Variants in GYS2 observed in about 807,000 individuals in gnomAD.
The protein encoded by GYS2 is glycogen synthase 2, also known as glycogen [starch] synthase, liver.
GYS2 carries 80 observed loss-of-function variants against 85.6 expected under a neutral mutation model. The ratio of observed to expected loss-of-function variants is 0.93; its 90% CI spans 0.78 to 1.13. GYS2 has a LOEUF of 1.13. GYS2 is among the 50% of genes most tolerant of loss of function. The probability of loss-of-function intolerance (pLI) is 0.00; values close to 1 mark genes in which losing one functional copy is unlikely to be tolerated. For synonymous variants in GYS2, 328 were observed against 300.7 expected, an observed-to-expected ratio of 1.09 and a Z score of -0.94; for missense variants, 881 against 854.9, an observed-to-expected ratio of 1.03 and a Z score of -0.38.
intron 1 of GYS2, among the ~76,000 whole-genome samples, chr12:21,581,003 T>A (rs1374098495): frequency 6.6e-6 from 1 of 152,188 alleles, no homozygotes; most frequent in Non-Finnish European, 1.5e-5. Context: ...GGTTTTCAAT[T>A]ATGAAGAAAT....
rs1307072088 is a variant in GYS2, at chr12:21,560,545, A to G, written c.1063-53T>C. 7.0e-6 allele frequency: 6 copies of G among 855,290 alleles called. No individual in the cohort carries two copies. In the East Asian group the frequency reaches 9.6e-5, roughly 14 times the overall value. 53.0% of individuals were successfully genotyped at this position (855,290 alleles called of 1,614,324 possible). A position where few individuals can be genotyped will look rare whatever the true frequency, so the allele number is the denominator to read the frequency against. On this transcript the variant is annotated intron_variant, in intron 7 of 15. Coordinates refer to ENST00000261195, the MANE Select transcript of GYS2 (RefSeq NM_021957.4). ...CAACTATCAAAGATTTTTAAAAAGT[A>G]TGATAGATGGAACTTAAACATTGAA... is the stretch of plus-strand genomic sequence containing the variant.
intron 15 of GYS2, among the ~76,000 whole-genome samples, chr12:21,538,867 C>T (rs757784348): frequency 3.0e-4 from 46 of 152,292 alleles, no homozygotes; most frequent in Non-Finnish European, 5.3e-4. Context: ...AGTTCAATTC[C>T]TCCTGGGGTG....
At chr12:21,543,253 G>A (rs1944000008) in intron 12 of GYS2, among the ~76,000 whole-genome samples, 1 of 152,136 alleles carries the variant, frequency 6.6e-6, no homozygotes, top group African/African-American at 2.4e-5. Context: ...GGTGAGTGGA[G>A]TTGGATGAAA....
At chr12:21,573,098 A>G (rs1944404679) in intron 4 of GYS2, among the ~76,000 whole-genome samples, 1 of 152,166 alleles carries the variant, frequency 6.6e-6, no homozygotes, top group South Asian at 2.1e-4. Context: ...ACCTTTTTAT[A>G]GGGAAGGGCT....
chr12:21,586,437 ATCTATCTATC>A (rs1489009705), intron 1 of GYS2, among the ~76,000 whole-genome samples: 4 of 151,714 alleles, frequency 2.6e-5, no homozygotes, highest in Non-Finnish European at 5.9e-5. Flanking sequence ...CTATCTATCT[ATCTATCTATC>A]TATCTATCTA....
downstream of GYS2, among the ~76,000 whole-genome samples, chr12:21,534,147 A>C (rs1022581609): frequency 4.6e-5 from 7 of 152,202 alleles, no homozygotes; most frequent in African/African-American, 1.7e-4. Flanking sequence ...GATGGGATGA[A>C]AGCAACACAC....
chr12:21,556,765 C>G (rs529380174), intron 11 of GYS2, among the ~76,000 whole-genome samples: 1 of 152,334 alleles, frequency 6.6e-6, no homozygotes, highest in South Asian at 2.1e-4. Context: ...AATTTTCCCT[C>G]TTTCTTACTC....
At chr12:21,566,360 T>C (rs554718629) in intron 5 of GYS2, among the ~76,000 whole-genome samples, 1 of 152,216 alleles carries the variant, frequency 6.6e-6, no homozygotes, top group South Asian at 2.1e-4. Context: ...CTTTTTTTTT[T>C]TTTCAGAATG....
At chr12:21,547,424 A>G (rs1443262325) in intron 11 of GYS2, among the ~76,000 whole-genome samples, 1 of 152,200 alleles carries the variant, frequency 6.6e-6, no homozygotes, top group Non-Finnish European at 1.5e-5. Flanking sequence ...CAGACAATGG[A>G]ATATTATTTA....
chr12:21,571,829 G>A (rs1458645082), intron 4 of GYS2, among the ~76,000 whole-genome samples: 2 of 152,088 alleles, frequency 1.3e-5, no homozygotes, highest in Non-Finnish European at 2.9e-5. Context: ...GGCTGTGGTT[G>A]TGCGTGCCTG....
rs1565600612 is a variant in GYS2, at chr12:21,563,040, TAAAAC to T, written c.942-7_942-3del. On this transcript the variant is annotated splice_polypyrimidine_tract_variant and splice_region_variant and intron_variant, in intron 6 of 15. Transcript: ENST00000261195. ...TTTTCAAGATCAAAGTCGAGATGAC[TAAAAC>T]AAAACAAAACCAAACAGTTTCAAAT... is the stretch of plus-strand genomic sequence containing the variant. 1.2e-6 allele frequency: 2 copies of T among 1,607,422 alleles called. No homozygotes were observed. The highest frequency in any genetic ancestry group is 2.2e-5 in the South Asian group (2 of 90,946).
chr12:21,559,750 CAA>C, intron 8 of GYS2, 40 bp from the exon 9 acceptor site: 2 of 1,215,142 alleles, frequency 1.6e-6, no homozygotes, highest in Non-Finnish European at 2.4e-6. Flanking sequence ...AACAGTATGA[CAA>C]TGTTTAATCT....
At chr12:21,590,752 A>G (rs1591809788) in intron 1 of GYS2, among the ~76,000 whole-genome samples, 1 of 152,144 alleles carries the variant, frequency 6.6e-6, no homozygotes. Flanking sequence ...TGCTAGGCCC[A>G]CCACCACCAC....
chr12:21,596,408 A>C (rs905789729), intron 1 of GYS2, among the ~76,000 whole-genome samples: 3 of 152,136 alleles, frequency 2.0e-5, no homozygotes, highest in African/African-American at 7.2e-5. Flanking sequence ...ACCATGATCA[A>C]GCAGGTTCCA....
downstream of GYS2, chr12:21,532,909 T>C (rs979751326): frequency 6.6e-6 from 1 of 152,242 alleles, no homozygotes; most frequent in Non-Finnish European, 1.5e-5. Flanking sequence ...TGTTCTTATG[T>C]ACAAATATGC....
At chr12:21,537,853 G>T (rs1943928065) in intron 15 of GYS2, among the ~76,000 whole-genome samples, 1 of 152,110 alleles carries the variant, frequency 6.6e-6, no homozygotes, top group Admixed American at 6.6e-5. Flanking sequence ...GAAACCAGAT[G>T]AAAAAACATG....
At chr12:21,542,422 TCTGTAAAGACC>T (rs1178877938) in intron 13 of GYS2, 63 bp downstream of exon 13, 3 of 880,456 alleles carry the variant, frequency 3.4e-6, no homozygotes, top group Non-Finnish European at 5.9e-6. Context: ...AGAGTTAGGC[TCTGTAAAGACC>T]CTGTGCTTTG....
At chr12:21,561,722 A>G (rs1443186555) in intron 7 of GYS2, among the ~76,000 whole-genome samples, 1 of 152,210 alleles carries the variant, frequency 6.6e-6, no homozygotes. Context: ...TTGAATGAAT[A>G]TATACTAGGA....
intron 11 of GYS2, among the ~76,000 whole-genome samples, chr12:21,549,687 T>G (rs761851493): frequency 6.6e-6 from 1 of 152,232 alleles, no homozygotes; most frequent in Non-Finnish European, 1.5e-5. Flanking sequence ...TGTCTTACGC[T>G]TCTTCATAAT....
Sources: allele counts gnomAD v4.1 joint callset (sites outside exome capture counted in the v4.1 genomes callset), GRCh38; gene constraint gnomAD v4.1.1; transcripts MANE v1.5; gene names NCBI Gene and HGNC (gene_info 2026-07-23, HGNC 2026-07-21).